The following PCDHGA2 variants were observed in gnomAD, a reference collection of about 807,000 sequenced individuals.
PCDHGA2 encodes the protein protocadherin gamma subfamily A, 2.
In PCDHGA2, 40 loss-of-function variants were observed where a neutral mutation model predicts 59.2. The observed-to-expected ratio is 0.68, with a 90% confidence interval of 0.52 to 0.88. The LOEUF is 0.88. Among genes scored for constraint, PCDHGA2 ranks in the 40% least tolerant of loss-of-function variants. The pLI, the probability that PCDHGA2 is intolerant of heterozygous loss-of-function variation, is 0.00. For missense variants in PCDHGA2, 1,226 were observed against 1,204.0 expected, an observed-to-expected ratio of 1.02 and a Z score of -0.27; for synonymous variants, 560 against 526.0, an observed-to-expected ratio of 1.06 and a Z score of -0.89.
intron 1 of PCDHGA2, chr5:141,418,292 T>A: frequency 6.2e-7 from 1 of 1,613,988 alleles, no homozygotes. Context: ...AATCAGTGAA[T>A]CCGTCAGCCT....
chr5:141,426,817 C>G (rs942714141), intron 1 of PCDHGA2: 4 of 456,594 alleles, frequency 8.8e-6, no homozygotes, highest in Non-Finnish European at 1.8e-5. Flanking sequence ...GAACATTTCT[C>G]TCTGATGATG....
rs759446483 is a variant in PCDHGA2 at position 141,376,133 on chromosome 5, C to T, written c.2424+34738C>T. On this transcript the variant is annotated intron_variant, in intron 1 of 3. Coordinates refer to ENST00000394576, the MANE Select transcript of PCDHGA2 (RefSeq NM_018915.4). ...GGGCAGCCTCGAGCCCTCCGCCAAA[C>T]CCAACGATTCGGACCTCACTCTGTA... 1.8e-5 allele frequency: 29 copies of T among 1,613,956 alleles called. No homozygotes were observed. The East Asian group carries it at 6.2e-4, about 35-fold the overall frequency.
chr5:141,373,242 C>T (rs1241005147), intron 1 of PCDHGA2, among the ~76,000 whole-genome samples: 1 of 152,106 alleles, frequency 6.6e-6, no homozygotes, highest in Non-Finnish European at 1.5e-5. Context: ...TTTTTACTTC[C>T]CTTTGCATGT....
At chr5:141,350,546 A>G in intron 1 of PCDHGA2, 2 of 1,614,024 alleles carry the variant, frequency 1.2e-6, no homozygotes, top group Non-Finnish European at 1.7e-6. Context: ...TTGCGGAAGG[A>G]AACTTGAGTG....
At chr5:141,355,466 G>GTAT (rs767658844) in intron 1 of PCDHGA2, 12 of 1,613,976 alleles carry the variant, frequency 7.4e-6, no homozygotes, top group Non-Finnish European at 1.0e-5. Flanking sequence ...ACCGCGGGTA[G>GTAT]GATAGACAGG....
chr5:141,404,849 C>G, intron 1 of PCDHGA2: 1 of 1,613,862 alleles, frequency 6.2e-7, no homozygotes, highest in Non-Finnish European at 8.5e-7. Context: ...TCGGGCCCTG[C>G]TAGATAGAGA....
intron 1 of PCDHGA2, chr5:141,421,835 G>A (rs755889809): frequency 5.6e-6 from 9 of 1,613,746 alleles, no homozygotes; most frequent in Non-Finnish European, 6.8e-6. Context: ...AGCCTGGACC[G>A]AGAGAAAGAG....
chr5:141,341,467 T>A, intron 1 of PCDHGA2, 72 bp downstream of exon 1: 1 of 1,594,014 alleles, frequency 6.3e-7, no homozygotes, highest in Non-Finnish European at 8.5e-7. Context: ...TTACTATATC[T>A]ATTTTGTTCC....
intron 1 of PCDHGA2, chr5:141,421,202 C>A: frequency 1.3e-6 from 2 of 1,519,344 alleles, no homozygotes; most frequent in Non-Finnish European, 1.8e-6. Flanking sequence ...CTCGAGAAAC[C>A]GCGGAATATC....
intron 1 of PCDHGA2, chr5:141,421,694 C>G (rs2096592726): frequency 6.2e-7 from 1 of 1,613,936 alleles, no homozygotes. Flanking sequence ...TTTGCTCTTC[C>G]TAATGCTAGG....
chr5:141,398,643 C>G, intron 1 of PCDHGA2: 2 of 1,614,024 alleles, frequency 1.2e-6, no homozygotes, highest in Non-Finnish European at 1.7e-6. Context: ...AGTATAAACT[C>G]TCTCTTAACC....
At chr5:141,471,654 G>A (rs1235665796) in intron 1 of PCDHGA2, 2 of 152,044 alleles carry the variant, frequency 1.3e-5, no homozygotes, top group South Asian at 2.1e-4. Flanking sequence ...CTGGATGTGG[G>A]GATGCAGAAA....
intron 1 of PCDHGA2, chr5:141,408,406 G>T (rs750833105): frequency 5.0e-6 from 8 of 1,614,066 alleles, no homozygotes; most frequent in East Asian, 2.2e-5. Flanking sequence ...AGCTGCGAGT[G>T]AGCGCGGAGA....
intron 1 of PCDHGA2, chr5:141,419,533 C>A: frequency 6.2e-7 from 1 of 1,612,106 alleles, no homozygotes; most frequent in Non-Finnish European, 8.5e-7. Flanking sequence ...GTAACGACAA[C>A]GCACCGCGGG....
rs1475572413 is a variant in PCDHGA2, at chr5:141,432,843, T to G, written c.2425-61964T>G. The G allele has an allele frequency of 6.2e-7, 1 of 1,614,066 alleles. No homozygotes were observed. The highest frequency in any genetic ancestry group is 8.5e-7 in the Non-Finnish European group (1 of 1,180,020). ...TCAGACCTCACTCTGTACCTGGTGGTAGCGGTGGCCGCGGTCTCCTGCGTC... is the reference window on the plus strand; with the variant it reads ...TCAGACCTCACTCTGTACCTGGTGGGAGCGGTGGCCGCGGTCTCCTGCGTC... On this transcript the variant is annotated intron_variant, in intron 1 of 3. Coordinates refer to ENST00000394576, the MANE Select transcript of PCDHGA2 (RefSeq NM_018915.4). This position sits in a 1 kb window ranked among gnomAD's most constrained non-coding sequence, Gnocchi z 6.0.
In PCDHGA2 at chr5:141,338,812, G is replaced by C; in HGVS notation, c.-160G>C. 7.3e-7 allele frequency: 1 copy of C among 1,378,984 alleles called. No individual in the cohort carries two copies. The highest frequency in any genetic ancestry group is 9.3e-7 in the Non-Finnish European group (1 of 1,071,602). 85.4% of individuals were successfully genotyped at this position (1,378,984 alleles called of 1,614,324 possible). A position where few individuals can be genotyped will look rare whatever the true frequency, so the allele number is the denominator to read the frequency against. ...AAGGGGGTGGAGGTTTGGCCCTAAAGCTTCAGGACACCAAAGAAATTCAGT... is the reference window on the plus strand; with the variant it reads ...AAGGGGGTGGAGGTTTGGCCCTAAACCTTCAGGACACCAAAGAAATTCAGT... On this transcript the variant is annotated 5_prime_UTR_variant, in exon 1 of 4. Coordinates refer to ENST00000394576, the MANE Select transcript of PCDHGA2 (RefSeq NM_018915.4).
chr5:141,365,099 G>A (rs767635242), intron 1 of PCDHGA2: 1 of 1,613,850 alleles, frequency 6.2e-7, no homozygotes, highest in East Asian at 2.2e-5. Flanking sequence ...GAACATACCT[G>A]TGGGCACTCG....
chr5:141,450,104 T>A (rs1041853602), intron 1 of PCDHGA2, among the ~76,000 whole-genome samples: 1 of 150,664 alleles, frequency 6.6e-6, no homozygotes, highest in African/African-American at 2.5e-5. Flanking sequence ...CCTCCCAGGT[T>A]CAAATGATTC....
chr5:141,364,926 C>T, intron 1 of PCDHGA2: 2 of 1,613,906 alleles, frequency 1.2e-6, no homozygotes, highest in Non-Finnish European at 8.5e-7. Flanking sequence ...TTGGAACAGC[C>T]CCTAGACCGC....
Sources: allele counts gnomAD v4.1 joint callset (sites outside exome capture counted in the v4.1 genomes callset), GRCh38; gene constraint gnomAD v4.1.1; non-coding constraint Gnocchi (gnomAD v3.1); transcripts MANE v1.5; gene names NCBI Gene and HGNC (gene_info 2026-07-23, HGNC 2026-07-21).